FRS2: variants seen among roughly 807,000 people sequenced by gnomAD.
FRS2 encodes the protein fibroblast growth factor receptor substrate 2.
FRS2 carries 8 observed loss-of-function variants against 43.9 expected under a neutral mutation model. The observed-to-expected ratio is 0.18, with a 90% CI of 0.11 to 0.33. The LOEUF is 0.33. Ranked by LOEUF, FRS2 falls within the 10% of genes least tolerant of loss-of-function variation. The pLI is 1.00. For synonymous variants in FRS2, 219 were observed against 220.3 expected, an observed-to-expected ratio of 0.99 and a Z score of 0.05; for missense variants, 534 against 627.6, an observed-to-expected ratio of 0.85 and a Z score of 1.59.
intron 1 of FRS2, among the ~76,000 whole-genome samples, chr12:69,510,543 G>A (rs558540542): frequency 6.6e-5 from 10 of 152,202 alleles, no homozygotes; most frequent in East Asian, 1.9e-4. Flanking sequence ...TCTGGCAAGC[G>A]TATTGTCATT....
rs74965040 is a variant in FRS2 at position 69,525,729 on chromosome 12, A to G, written c.-260-5136A>G. ...GAGATTATTTTTTTTTTTTAGCACCATAAACTCAACCAAGTGGTATGTGTT... is the reference window on the plus strand; with the variant it reads ...GAGATTATTTTTTTTTTTTAGCACCGTAAACTCAACCAAGTGGTATGTGTT... On this transcript the variant is annotated intron_variant, in intron 1 of 8. Coordinates refer to ENST00000549921, the MANE Select transcript of FRS2 (RefSeq NM_001278356.2). 8.8e-3 allele frequency among the ~76,000 whole-genome samples: 1,342 copies of G among 151,944 alleles called. 19 individuals are homozygous for G. Among genetic ancestry groups the G allele is most frequent in the African/African-American group, 0.03 (1,261 of 41,430 alleles).
chr12:69,492,503 G>A (rs1872566635), intron 1 of FRS2, among the ~76,000 whole-genome samples: 1 of 152,210 alleles, frequency 6.6e-6, no homozygotes, highest in South Asian at 2.1e-4. Context: ...AAATGGAATG[G>A]AAAAGAAGAT....
intron 7 of FRS2, among the ~76,000 whole-genome samples, chr12:69,571,897 C>T (rs1265813037): frequency 1.3e-5 from 2 of 151,952 alleles, no homozygotes; most frequent in African/African-American, 4.8e-5. Flanking sequence ...AACAAAAAAA[C>T]ACAGCCGTAG....
At chr12:69,565,943 TTGAA>T (rs1222468075) in intron 4 of FRS2, among the ~76,000 whole-genome samples, 4 of 151,998 alleles carry the variant, frequency 2.6e-5, no homozygotes, top group Non-Finnish European at 4.4e-5. Flanking sequence ...CTATACATAA[TTGAA>T]TGTGCTATAG....
chr12:69,477,779 T>C (rs1478474456), intron 1 of FRS2, among the ~76,000 whole-genome samples: 2 of 149,656 alleles, frequency 1.3e-5, no homozygotes, highest in Middle Eastern at 3.4e-3. Flanking sequence ...CTCGCTCTGT[T>C]GCCCAGGCTG....
intron 1 of FRS2, among the ~76,000 whole-genome samples, chr12:69,477,117 G>A (rs1870861609): frequency 7.2e-6 from 1 of 139,018 alleles, no homozygotes; most frequent in Non-Finnish European, 1.7e-5. Context: ...TGGCAGAAAT[G>A]TGGATGAATA....
chr12:69,544,139 G>A (rs1476779976), intron 3 of FRS2, among the ~76,000 whole-genome samples: 1 of 150,688 alleles, frequency 6.6e-6, no homozygotes, highest in Non-Finnish European at 1.5e-5. Context: ...GAACTTAACA[G>A]AAAACTTCTT....
intron 1 of FRS2, among the ~76,000 whole-genome samples, chr12:69,490,260 C>G (rs1005182237): frequency 6.6e-6 from 1 of 151,832 alleles, no homozygotes; most frequent in Non-Finnish European, 1.5e-5. Context: ...ATAGCAAAAA[C>G]AAAAATCATA....
At chr12:69,561,571 C>T (rs1002241831) in intron 3 of FRS2, among the ~76,000 whole-genome samples, 1 of 152,136 alleles carries the variant, frequency 6.6e-6, no homozygotes, top group Non-Finnish European at 1.5e-5. Flanking sequence ...ACATTGAAAT[C>T]TCTTGTAACT....
intron 1 of FRS2, among the ~76,000 whole-genome samples, chr12:69,515,985 G>T (rs976667204): frequency 6.7e-6 from 1 of 149,816 alleles, no homozygotes; most frequent in Non-Finnish European, 1.5e-5. Flanking sequence ...TTGGGCAAGA[G>T]GAAATGGTAA....
At position 69,490,196 on chromosome 12, in the gene FRS2, G is replaced by A. The variant is rs575007720; in HGVS notation, c.-261+19666G>A. On this transcript the variant is annotated intron_variant, in intron 1 of 8. Coordinates refer to ENST00000549921, the MANE Select transcript of FRS2 (RefSeq NM_001278356.2). ...AAATAGATTGTTTGAATCTGAGAAA[G>A]AAGAGGGGACCTGAGTAGTATTAGC... is the stretch of plus-strand genomic sequence containing the variant. 7.2e-5 allele frequency among the ~76,000 whole-genome samples: 11 copies of A among 152,238 alleles called. No individual in the cohort carries two copies. In the South Asian group the frequency reaches 1.2e-3, roughly 17 times the overall value.
At chr12:69,558,376 A>T (rs950842247) in intron 3 of FRS2, among the ~76,000 whole-genome samples, 1 of 152,214 alleles carries the variant, frequency 6.6e-6, no homozygotes. Context: ...TTAGTGGTTT[A>T]TGTAAGATTT....
At chr12:69,496,270 A>G (rs987125463) in intron 1 of FRS2, among the ~76,000 whole-genome samples, 4 of 152,120 alleles carry the variant, frequency 2.6e-5, no homozygotes, top group Non-Finnish European at 5.9e-5. Context: ...CCCCGAATCT[A>G]CTAAAAATAC....
intron 3 of FRS2, among the ~76,000 whole-genome samples, chr12:69,558,007 TA>T (rs1879571441): frequency 2.0e-5 from 3 of 152,236 alleles, no homozygotes; most frequent in African/African-American, 7.2e-5. Flanking sequence ...TGTGTTGTTT[TA>T]CACACAAACA....
chr12:69,507,382 CAA>C (rs1874040082), intron 1 of FRS2, among the ~76,000 whole-genome samples: 1 of 152,120 alleles, frequency 6.6e-6, no homozygotes, highest in African/African-American at 2.4e-5. Context: ...AATAATAAGA[CAA>C]ATATTATTTT....
At chr12:69,498,450 T>C (rs541649059) in intron 1 of FRS2, among the ~76,000 whole-genome samples, 2 of 152,012 alleles carry the variant, frequency 1.3e-5, no homozygotes, top group East Asian at 1.9e-4. Flanking sequence ...CTGCGGTTCA[T>C]GCGGCCCAGG....
At chr12:69,495,142 C>T (rs758341910) in intron 1 of FRS2, among the ~76,000 whole-genome samples, 4 of 152,092 alleles carry the variant, frequency 2.6e-5, no homozygotes, top group African/African-American at 4.8e-5. Flanking sequence ...TTAAAAGTTT[C>T]GTGGGAGCTG....
At chr12:69,491,032 T>C (rs2120928318) in intron 1 of FRS2, among the ~76,000 whole-genome samples, 1 of 152,362 alleles carries the variant, frequency 6.6e-6, no homozygotes, top group East Asian at 1.9e-4. Flanking sequence ...CCTTTCTGTC[T>C]ACTAGGTCCC....
intron 1 of FRS2, among the ~76,000 whole-genome samples, chr12:69,521,115 T>C (rs2135610990): frequency 6.6e-6 from 1 of 152,214 alleles, no homozygotes; most frequent in East Asian, 1.9e-4. Flanking sequence ...AGAACTCTTT[T>C]ACTCTCCTGG....
Sources: gnomAD v4.1 joint callset for allele counts (sites outside exome capture counted in the v4.1 genomes callset) on GRCh38, gnomAD v4.1.1 for gene constraint, MANE v1.5 for transcripts, NCBI Gene and HGNC (gene_info 2026-07-23, HGNC 2026-07-21) for gene names.